The following TMEM117 variants were observed in gnomAD, a reference collection of about 807,000 sequenced individuals.
TMEM117 encodes the protein transmembrane protein 117.
In TMEM117, 27 loss-of-function variants were observed where a neutral mutation model predicts 52.4. The ratio of observed to expected loss-of-function variants is 0.51; its 90% CI spans 0.38 to 0.71. The LOEUF (loss-of-function observed/expected upper bound fraction) is 0.71, where lower values mean the gene tolerates loss of function less well. TMEM117 is among the 30% of genes least tolerant of loss of function. The pLI is 0.00. For missense variants in TMEM117, 556 were observed against 630.5 expected (o/e 0.88, Z 1.26); for synonymous variants, 215 against 206.3 (o/e 1.04, Z -0.36).
At chr12:44,110,216 T>C (rs1948034606) in intron 3 of TMEM117, among the ~76,000 whole-genome samples, 1 of 147,402 alleles carries the variant, frequency 6.8e-6, no homozygotes, top group African/African-American at 2.6e-5. Context: ...TCCTGCCTGA[T>C]TGCCCTGGCC....
chr12:44,143,670 C>T (rs758657567), intron 4 of TMEM117, 46 bp downstream of exon 4: 3 of 1,416,394 alleles, frequency 2.1e-6, no homozygotes, highest in African/African-American at 2.8e-5. Flanking sequence ...AAACGGAAGA[C>T]ATGTTCACAG....
chr12:44,085,685 G>C (rs544201400), intron 3 of TMEM117, among the ~76,000 whole-genome samples: 22 of 152,310 alleles, frequency 1.4e-4, no homozygotes, highest in African/African-American at 5.3e-4. Context: ...TTTAACTCTT[G>C]TATGCCATCT....
chr12:44,027,472 C>A (rs917878551), intron 3 of TMEM117, among the ~76,000 whole-genome samples: 1 of 152,118 alleles, frequency 6.6e-6, no homozygotes, highest in Non-Finnish European at 1.5e-5. Flanking sequence ...TCGCATCTGG[C>A]CTTCTTAGCC....
intron 2 of TMEM117, among the ~76,000 whole-genome samples, chr12:43,893,863 C>T (rs568030579): frequency 1.7e-4 from 26 of 152,288 alleles, no homozygotes; most frequent in African/African-American, 5.8e-4. Flanking sequence ...GCTGAAGTAG[C>T]TGGGACTAGA....
intron 4 of TMEM117, among the ~76,000 whole-genome samples, chr12:44,196,449 A>G (rs1304727458): frequency 6.6e-6 from 1 of 152,216 alleles, no homozygotes; most frequent in African/African-American, 2.4e-5. Flanking sequence ...ATGTAACCAT[A>G]TGCTTCAATA....
chr12:43,979,265 T>C (rs1434143805), intron 3 of TMEM117, among the ~76,000 whole-genome samples: 2 of 152,102 alleles, frequency 1.3e-5, no homozygotes, highest in African/African-American at 2.4e-5. Context: ...TCAGGTACTA[T>C]GATTAAACTT....
At chr12:44,295,439 C>T (rs911785039) in intron 5 of TMEM117, among the ~76,000 whole-genome samples, 2 of 152,092 alleles carry the variant, frequency 1.3e-5, no homozygotes, top group African/African-American at 4.8e-5. Context: ...GAACTCCTGA[C>T]CTCAAGCAAT....
intron 5 of TMEM117, among the ~76,000 whole-genome samples, chr12:44,255,127 A>C (rs1440837140): frequency 6.6e-6 from 1 of 152,194 alleles, no homozygotes; most frequent in African/African-American, 2.4e-5. Flanking sequence ...ATACGTGTGC[A>C]TGTGTCTTTA....
chr12:44,171,102 A>C (rs1178020527), intron 4 of TMEM117, among the ~76,000 whole-genome samples: 2 of 133,128 alleles, frequency 1.5e-5, no homozygotes, highest in Non-Finnish European at 3.1e-5. Context: ...TGCAAGCTCC[A>C]CCTCCCGGGT....
At chr12:43,826,384 C>A in the TMEM117 span, among the ~76,000 whole-genome samples, 1 of 152,200 alleles carries the variant, frequency 6.6e-6, no homozygotes, top group African/African-American at 2.4e-5. Flanking sequence ...CTCAGTACCC[C>A]CTGAGGCTAG....
chr12:44,172,642 A>G (rs371851265), intron 4 of TMEM117, among the ~76,000 whole-genome samples: 1 of 152,200 alleles, frequency 6.6e-6, no homozygotes, highest in South Asian at 2.1e-4. Context: ...TCAGGAACAC[A>G]GTTAAACCCG....
At chr12:44,321,698 C>T (rs892667854) in intron 6 of TMEM117, among the ~76,000 whole-genome samples, 2 of 152,012 alleles carry the variant, frequency 1.3e-5, no homozygotes, top group African/African-American at 4.8e-5. Flanking sequence ...AAAAACTATG[C>T]CTAACGAAGT....
At chr12:44,051,863 A>G (rs1946978221) in intron 3 of TMEM117, among the ~76,000 whole-genome samples, 1 of 152,200 alleles carries the variant, frequency 6.6e-6, no homozygotes, top group African/African-American at 2.4e-5. Flanking sequence ...CTTAACCATC[A>G]TTATGCAATT....
chr12:44,261,062 G>A lies in TMEM117; in HGVS notation c.609-38518G>A, dbSNP rs147150145. Among the ~76,000 whole-genome samples, 351 of 152,216 alleles carry A rather than the reference G, an allele frequency of 2.3e-3. 12 individuals carry two copies. The East Asian group carries it at 0.035, about 15-fold the overall frequency. ...GATTTTTAAAATAGATTTTAAAATT[G>A]TGAGTATATACAAGTTACATTAATG... On this transcript the variant is annotated intron_variant, in intron 5 of 7. Coordinates refer to ENST00000266534, the MANE Select transcript of TMEM117 (RefSeq NM_032256.3).
intron 5 of TMEM117, among the ~76,000 whole-genome samples, chr12:44,275,258 A>G (rs909227661): frequency 6.6e-6 from 1 of 152,110 alleles, no homozygotes; most frequent in Non-Finnish European, 1.5e-5. Context: ...ATGTCGTCTC[A>G]CCCCAGTTAA....
intron 2 of TMEM117, among the ~76,000 whole-genome samples, chr12:43,853,167 A>C (rs758189448): frequency 6.6e-6 from 1 of 152,224 alleles, no homozygotes; most frequent in Non-Finnish European, 1.5e-5. Context: ...GATCTTGCTT[A>C]CCTTTTAATT....
rs1947689861 is a variant in TMEM117 at position 44,092,468 on chromosome 12, G to C, written c.411-51057G>C. Among the ~76,000 whole-genome samples the C allele has an allele frequency of 3.9e-5, 6 of 152,088 alleles. No individual in the cohort carries two copies. The South Asian group carries it at 1.2e-3, about 32-fold the overall frequency. On this transcript the variant is annotated intron_variant, in intron 3 of 7. Coordinates refer to ENST00000266534, the MANE Select transcript of TMEM117 (RefSeq NM_032256.3). The stretch of plus-strand genomic sequence containing the variant: ...TGCAGTGAGATCATCTTGCCTAGGA[G>C]GTAGGAGATGAAATGCTTTAATGCT...
intron 2 of TMEM117, among the ~76,000 whole-genome samples, chr12:43,908,065 T>A (rs1944424587): frequency 1.7e-5 from 1 of 59,990 alleles, no homozygotes; most frequent in Admixed American, 2.1e-4. Context: ...AAAGTTGAAA[T>A]GAAGGAAAAA....
At chr12:44,111,797 G>C (rs1272246478) in intron 3 of TMEM117, among the ~76,000 whole-genome samples, 2 of 141,338 alleles carry the variant, frequency 1.4e-5, no homozygotes, top group Non-Finnish European at 3.0e-5. Flanking sequence ...GTCTAACGTT[G>C]ACAGTGGGGT....
Sources: gnomAD v4.1 joint callset for allele counts (sites outside exome capture counted in the v4.1 genomes callset) on GRCh38, gnomAD v4.1.1 for gene constraint, MANE v1.5 for transcripts, NCBI Gene and HGNC (gene_info 2026-07-23, HGNC 2026-07-21) for gene names.